The following RNF180 variants were observed in gnomAD, a reference collection of about 807,000 sequenced individuals.
RNF180 encodes ring finger protein 180.
A neutral mutation model predicts 59.2 loss-of-function variants in RNF180; 38 were observed. The ratio of observed to expected loss-of-function variants is 0.64; its 90% CI spans 0.50 to 0.84. The LOEUF (loss-of-function observed/expected upper bound fraction) is 0.84, where lower values mean the gene tolerates loss of function less well. RNF180 is among the 40% of genes least tolerant of loss of function. The pLI, the probability that RNF180 is intolerant of heterozygous loss-of-function variation, is 0.00. For synonymous variants in RNF180, 262 were observed against 240.3 expected (o/e 1.09, Z -0.84); for missense variants, 705 against 700.9 (o/e 1.01, Z -0.07).
intron 5 of RNF180, among the ~76,000 whole-genome samples, chr5:64,251,428 C>A (rs1307685931): frequency 6.6e-6 from 1 of 152,108 alleles, no homozygotes; most frequent in East Asian, 1.9e-4. Flanking sequence ...AATTAGTTAG[C>A]TAGTTAATTA....
intron 5 of RNF180, among the ~76,000 whole-genome samples, chr5:64,304,195 G>C (rs570381908): frequency 6.6e-6 from 1 of 151,762 alleles, no homozygotes; most frequent in South Asian, 2.1e-4. Flanking sequence ...TCACCAGAGA[G>C]CTCTGCTGGA....
rs1258975762 is a variant in RNF180, at chr5:64,371,728, AAAG to A, written c.*1918_*1920del. 6.6e-6 allele frequency: 1 copy of A among 151,672 alleles called. No individual in the cohort carries two copies. The highest frequency in any genetic ancestry group is 2.1e-4 in the South Asian group (1 of 4,836). 9.4% of individuals were successfully genotyped at this position (151,672 alleles called of 1,614,324 possible). A position where few individuals can be genotyped will look rare whatever the true frequency, so the allele number is the denominator to read the frequency against. On this transcript the variant is annotated 3_prime_UTR_variant, in exon 8 of 8. Coordinates refer to ENST00000389100, the MANE Select transcript of RNF180 (RefSeq NM_001113561.2). ...TTGATCTGAAAATTATAGAATATTAAAAGAAGTAAATTCATAAAATTATAAATT... is the reference window on the plus strand; with the variant it reads ...TTGATCTGAAAATTATAGAATATTAAAAGTAAATTCATAAAATTATAAATT...
chr5:64,190,268 C>T (rs1409116023), intron 1 of RNF180, among the ~76,000 whole-genome samples: 2 of 152,206 alleles, frequency 1.3e-5, no homozygotes. Context: ...TGCAACCTGT[C>T]ATCCCTTTCT....
rs1040703330 is a variant in RNF180, at chr5:64,372,257, G to A, written c.*2443G>A. On this transcript the variant is annotated 3_prime_UTR_variant, in exon 8 of 8. Coordinates refer to ENST00000389100, the MANE Select transcript of RNF180 (RefSeq NM_001113561.2). ...CAGGTTATTTTTTAATTTTAAAAAA[G>A]CAAATTCACAAACCTAGACCCATTT... The A allele has an allele frequency of 6.6e-6, 1 of 151,512 alleles. No homozygotes were observed. The highest frequency in any genetic ancestry group is 1.5e-5 in the Non-Finnish European group (1 of 67,768). The allele number at this position is 151,512 out of a possible 1,614,324, so 9.4% of individuals were successfully genotyped here.
At position 64,337,176 on chromosome 5, in the gene RNF180, G is replaced by T. The variant is rs73105030; in HGVS notation, c.1579+6770G>T. Among the ~76,000 whole-genome samples the T allele has an allele frequency of 4.9e-3, 748 of 151,918 alleles. 10 individuals carry two copies. Among genetic ancestry groups the T allele is most frequent in the African/African-American group, 0.017 (700 of 41,444 alleles). ...CTACAGGAGCACACCACCATGCCTGGCTGATTTTGTTTTTGTAGACACAGG... is the reference window on the plus strand; with the variant it reads ...CTACAGGAGCACACCACCATGCCTGTCTGATTTTGTTTTTGTAGACACAGG... On this transcript the variant is annotated intron_variant, in intron 7 of 7. Coordinates refer to ENST00000389100, the MANE Select transcript of RNF180 (RefSeq NM_001113561.2).
chr5:64,286,328 A>G (rs551953106), intron 5 of RNF180, among the ~76,000 whole-genome samples: 1 of 152,356 alleles, frequency 6.6e-6, no homozygotes, highest in Non-Finnish European at 1.5e-5. Flanking sequence ...GACATGAGCT[A>G]TATAAAGACA....
intron 5 of RNF180, among the ~76,000 whole-genome samples, chr5:64,312,659 T>A (rs1743826923): frequency 6.6e-6 from 1 of 152,072 alleles, no homozygotes. Context: ...TTTCACTGAT[T>A]GTTGGTAATT....
At chr5:64,168,590 G>A (rs1281642440) in intron 1 of RNF180, among the ~76,000 whole-genome samples, 1 of 152,118 alleles carries the variant, frequency 6.6e-6, no homozygotes, top group Non-Finnish European at 1.5e-5. Context: ...ACATCATACT[G>A]GAACAATGTT....
rs181743651 is a variant in RNF180, at chr5:64,372,318, T to C, written c.*2504T>C. ...CAGCAGAAGACAGGGAAATTTAAAT[T>C]AGACAAAGTTGAAAAAGAATCAGAA... On this transcript the variant is annotated 3_prime_UTR_variant, in exon 8 of 8. Coordinates refer to ENST00000389100, the MANE Select transcript of RNF180 (RefSeq NM_001113561.2). 6.6e-6 allele frequency: 1 copy of C among 151,888 alleles called. No homozygotes were observed. Among genetic ancestry groups the C allele is most frequent in the Admixed American group, 6.6e-5 (1 of 15,206 alleles). The allele number at this position is 151,888 out of a possible 1,614,324, so 9.4% of individuals were successfully genotyped here.
intron 7 of RNF180, among the ~76,000 whole-genome samples, chr5:64,365,283 C>A (rs1746404021): frequency 6.6e-6 from 1 of 151,678 alleles, no homozygotes. Flanking sequence ...CATTCAGAAG[C>A]AGGTTGTTTA....
chr5:64,364,425 C>T (rs930724035), intron 7 of RNF180, among the ~76,000 whole-genome samples: 4 of 151,792 alleles, frequency 2.6e-5, no homozygotes, highest in Non-Finnish European at 5.9e-5. Context: ...ATAAAGCCTA[C>T]TTGTTTGTGG....
chr5:64,303,005 A>G (rs1041050058), intron 5 of RNF180, among the ~76,000 whole-genome samples: 2 of 151,622 alleles, frequency 1.3e-5, no homozygotes, highest in Non-Finnish European at 3.0e-5. Flanking sequence ...TTTCCAATAG[A>G]ATGTTCTCTT....
intron 1 of RNF180, among the ~76,000 whole-genome samples, chr5:64,178,826 G>T (rs1750405232): frequency 6.6e-6 from 1 of 151,970 alleles, no homozygotes; most frequent in Admixed American, 6.6e-5. Flanking sequence ...AATCAGCGTT[G>T]CTCATTTTTC....
intron 2 of RNF180, among the ~76,000 whole-genome samples, chr5:64,209,592 A>T (rs1367924730): frequency 6.6e-6 from 1 of 152,040 alleles, no homozygotes; most frequent in Non-Finnish European, 1.5e-5. Flanking sequence ...TTACTTTGAC[A>T]TTGATAATCT....
At chr5:64,234,693 G>A (rs990514430) in intron 5 of RNF180, among the ~76,000 whole-genome samples, 7 of 130,624 alleles carry the variant, frequency 5.4e-5, no homozygotes, top group East Asian at 2.6e-4. Context: ...TCCGCCTCCC[G>A]GGTTCACCCC....
chr5:64,174,998 C>T (rs1163599359), intron 1 of RNF180, among the ~76,000 whole-genome samples: 9 of 122,094 alleles, frequency 7.4e-5, no homozygotes, highest in East Asian at 2.5e-4. Flanking sequence ...GACGGAGTCT[C>T]GCTCTGTCCC....
chr5:64,255,258 G>T (rs993067773), intron 5 of RNF180, among the ~76,000 whole-genome samples: 2 of 151,994 alleles, frequency 1.3e-5, no homozygotes, highest in South Asian at 2.1e-4. Context: ...CAACGTGCAG[G>T]TTTGTTGCAT....
chr5:64,272,864 G>GT (rs764610693), intron 5 of RNF180, among the ~76,000 whole-genome samples: 3 of 151,934 alleles, frequency 2.0e-5, no homozygotes, highest in Non-Finnish European at 4.4e-5. Flanking sequence ...AGAGAAGATT[G>GT]TGAGTTCAGT....
intron 5 of RNF180, among the ~76,000 whole-genome samples, chr5:64,252,170 TA>T (rs1422810325): frequency 1.3e-5 from 2 of 152,070 alleles, no homozygotes; most frequent in African/African-American, 4.8e-5. Context: ...AGTACTAGCA[TA>T]AAAACAAACA....
Sources: allele counts gnomAD v4.1 joint callset (sites outside exome capture counted in the v4.1 genomes callset), GRCh38; gene constraint gnomAD v4.1.1; transcripts MANE v1.5; gene names NCBI Gene and HGNC (gene_info 2026-07-23, HGNC 2026-07-21).